The following FLT1 variants were observed in gnomAD, a reference collection of about 807,000 sequenced individuals.
FLT1 encodes fms related receptor tyrosine kinase 1.
FLT1 carries 49 observed loss-of-function variants against 156.3 expected under a neutral mutation model. That is an observed-to-expected ratio of 0.31 (90% CI 0.25 to 0.40). The LOEUF (loss-of-function observed/expected upper bound fraction) is 0.40, where lower values mean the gene tolerates loss of function less well. FLT1 is among the 10% of genes least tolerant of loss of function. FLT1 has a pLI of 1.00. For missense variants in FLT1, 1,322 were observed against 1,637.2 expected, an observed-to-expected ratio of 0.81 and a Z score of 3.32; for synonymous variants, 594 against 583.8, an observed-to-expected ratio of 1.02 and a Z score of -0.25.
intron 3 of FLT1, among the ~76,000 whole-genome samples, chr13:28,455,627 T>C (rs1353754011): frequency 6.6e-6 from 1 of 152,140 alleles, no homozygotes; most frequent in Non-Finnish European, 1.5e-5. Flanking sequence ...TACAAAACAA[T>C]TGATAAGCTG....
intron 25 of FLT1, among the ~76,000 whole-genome samples, chr13:28,313,655 T>A (rs1871092588): frequency 6.6e-6 from 1 of 152,152 alleles, no homozygotes; most frequent in Non-Finnish European, 1.5e-5. Context: ...CGGGAAGAGA[T>A]AACTCTGCTC....
chr13:28,467,693 G>C (rs912901810), intron 1 of FLT1, 76 bp from the exon 2 acceptor site: 12 of 778,472 alleles, frequency 1.5e-5, no homozygotes, highest in Non-Finnish European at 2.5e-5. Context: ...TTCCATGAAG[G>C]TGAGTTTTTC....
intron 1 of FLT1, among the ~76,000 whole-genome samples, chr13:28,481,224 T>C (rs1416062605): frequency 6.6e-6 from 1 of 152,144 alleles, no homozygotes; most frequent in African/African-American, 2.4e-5. Flanking sequence ...GGAAAATATC[T>C]CCTGGGAAGC....
At chr13:28,317,684 T>C in intron 24 of FLT1, 87 bp from the exon 25 acceptor site, 2 of 838,730 alleles carry the variant, frequency 2.4e-6, no homozygotes, top group Non-Finnish European at 4.2e-6. Context: ...GTTTCTTTCC[T>C]CCCTTTAAAG....
chr13:28,334,071 A>G lies in FLT1; in HGVS notation c.2547T>C (p.Ile849=). ...GKVVQASAFG[I]KKSPTCRTVA... Reference sequence around the variant, plus strand: ...CAGTCCGGCACGTAGGTGATTTCTTAATGCCAAATGCTGATGCTTGAACCA... The same window carrying G: ...CAGTCCGGCACGTAGGTGATTTCTTGATGCCAAATGCTGATGCTTGAACCA... The change falls in exon 18 of 30, where the codon ATT becomes ATC. Residue 849 remains isoleucine (I), a synonymous_variant. Transcript: ENST00000282397. 1 of 1,613,958 alleles carries G rather than the reference A, an allele frequency of 6.2e-7. No homozygotes were observed. Among genetic ancestry groups the G allele is most frequent in the Non-Finnish European group, 8.5e-7 (1 of 1,179,806 alleles).
chr13:28,324,737 C>G (rs1450431372), intron 20 of FLT1, among the ~76,000 whole-genome samples: 1 of 152,184 alleles, frequency 6.6e-6, no homozygotes, highest in African/African-American at 2.4e-5. Context: ...GCTCCACAGG[C>G]TCACTCAGGG....
rs368873174 is a variant in FLT1, at chr13:28,339,222, G to T, written c.2434C>A (p.Arg812=). The change falls in exon 17 of 30, where the codon CGG becomes AGG. Residue 812 remains arginine (R), a synonymous_variant. Coordinates refer to ENST00000282397, the MANE Select transcript of FLT1 (RefSeq NM_002019.4). ...DEVPLDEQCE[R]LPYDASKWEF... The stretch of plus-strand genomic sequence containing the variant: ...CACTTGCTGGCATCATAAGGGAGCC[G>T]CTCACACTGCTCATCCAAAGGAACT... The T allele has an allele frequency of 1.4e-5, 23 of 1,613,944 alleles. No homozygotes were observed. Among genetic ancestry groups the T allele is most frequent in the Middle Eastern group, 1.6e-4 (1 of 6,072 alleles).
At position 28,427,752 on chromosome 13, in the gene FLT1, C is replaced by T. The variant is rs1877431656; in HGVS notation, c.1276G>A (p.Val426Met). 1 of 1,613,434 alleles carries T rather than the reference C, an allele frequency of 6.2e-7. No homozygotes were observed. The highest frequency in any genetic ancestry group is 8.5e-7 in the Non-Finnish European group (1 of 1,179,426). Residue 426 changes from valine (V) to methionine (M), a missense_variant and splice_region_variant, in exon 9 of 30, where the codon GTG becomes ATG. This residue lies in a region of FLT1 where 991 missense variants were observed against 1,254.8 expected (regional missense o/e 0.79). Coordinates refer to ENST00000282397, the MANE Select transcript of FLT1 (RefSeq NM_002019.4). The stretch of plus-strand genomic sequence containing the variant: ...AAGAAAGTATGAACAGCAAACTTAC[C>T]ATTGACAATTAGAGTGGCAGTGAGG... ...KNLTATLIVN[V>M]KPQIYEKAVS...
intron 13 of FLT1, chr13:28,385,709 A>G (rs889785733): frequency 1.0e-6 from 1 of 971,192 alleles, no homozygotes; most frequent in Non-Finnish European, 1.2e-6. Flanking sequence ...CTCTTAAAAC[A>G]TACAAATATG....
chr13:28,392,012 T>G (rs1385627026), intron 12 of FLT1, among the ~76,000 whole-genome samples: 2 of 152,236 alleles, frequency 1.3e-5, no homozygotes, highest in Admixed American at 6.5e-5. Flanking sequence ...TATTATACTT[T>G]GCACACAAAG....
At chr13:28,319,317 G>C (rs538575041) in intron 24 of FLT1, 106 bp downstream of exon 24, 196 of 756,512 alleles carry the variant, frequency 2.6e-4, no homozygotes, top group Admixed American at 4.0e-4. Flanking sequence ...AGAGTTTTTT[G>C]TTACAGTAGG....
chr13:28,394,074 A>T (rs1361432090), intron 12 of FLT1, among the ~76,000 whole-genome samples: 1 of 152,222 alleles, frequency 6.6e-6, no homozygotes, highest in Non-Finnish European at 1.5e-5. Flanking sequence ...ATGAGGTACA[A>T]CATTCATGAG....
chr13:28,382,813 C>A (rs190270399), intron 14 of FLT1, among the ~76,000 whole-genome samples: 52 of 152,260 alleles, frequency 3.4e-4, no homozygotes, highest in Non-Finnish European at 6.6e-4. Flanking sequence ...AGAGGAGGTG[C>A]TACTTTATGG....
chr13:28,427,753 A>G lies in FLT1; in HGVS notation c.1275T>C (p.Asn425=). 1.2e-6 allele frequency: 2 copies of G among 1,613,616 alleles called. No homozygotes were observed. The highest frequency in any genetic ancestry group is 1.7e-6 in the Non-Finnish European group (2 of 1,179,542). ...AGAAAGTATGAACAGCAAACTTACC[A>G]TTGACAATTAGAGTGGCAGTGAGGT... The part of the protein sequence containing the change: ...FKNLTATLIV[N]VKPQIYEKAV... The change falls in exon 9 of 30, where the codon AAT becomes AAC. Residue 425 remains asparagine, a splice_region_variant and synonymous_variant. Transcript: ENST00000282397.
intron 14 of FLT1, chr13:28,368,140 GTTTA>G (rs535871340): frequency 1.5e-4 from 95 of 628,340 alleles, no homozygotes; most frequent in East Asian, 9.3e-4. Flanking sequence ...AATTTTGTCT[GTTTA>G]TTTATTTATT....
chr13:28,483,384 A>C (rs1353613324), intron 1 of FLT1, among the ~76,000 whole-genome samples: 1 of 152,210 alleles, frequency 6.6e-6, no homozygotes, highest in Non-Finnish European at 1.5e-5. Flanking sequence ...TTTTACATAC[A>C]TAGACACCAT....
chr13:28,448,555 A>G (rs984433824), intron 3 of FLT1, among the ~76,000 whole-genome samples: 7 of 152,242 alleles, frequency 4.6e-5, no homozygotes, highest in Admixed American at 6.5e-5. Context: ...TATCCATGAG[A>G]CAAATCTATG....
chr13:28,332,516 A>G (rs1304551091), intron 18 of FLT1, among the ~76,000 whole-genome samples: 1 of 152,172 alleles, frequency 6.6e-6, no homozygotes, highest in African/African-American at 2.4e-5. Context: ...GATTGCCTCC[A>G]TAAACTAGGC....
intron 1 of FLT1, among the ~76,000 whole-genome samples, chr13:28,490,088 G>A (rs1014784956): frequency 4.6e-5 from 7 of 152,198 alleles, no homozygotes; most frequent in African/African-American, 1.7e-4. Context: ...ATCAGGTTCT[G>A]TTCCTAGGCC....
Sources: gnomAD v4.1 joint callset for allele counts (sites outside exome capture counted in the v4.1 genomes callset) on GRCh38, gnomAD v4.1.1 for gene constraint, gnomAD v4.1.1 regional missense constraint, MANE v1.5 for transcripts, NCBI Gene and HGNC (gene_info 2026-07-23, HGNC 2026-07-21) for gene names.